The following SENP6 variants were observed in gnomAD, a reference collection of about 807,000 sequenced individuals.
SENP6 encodes the protein SUMO specific peptidase 6, also known as sentrin-specific protease 6.
A neutral mutation model predicts 134.5 loss-of-function variants in SENP6; 41 were observed. The ratio of observed to expected loss-of-function variants is 0.30; its 90% CI spans 0.24 to 0.40. The LOEUF (loss-of-function observed/expected upper bound fraction) is 0.40, where lower values mean the gene tolerates loss of function less well. Ranked by LOEUF, SENP6 falls within the 10% of genes least tolerant of loss-of-function variation. SENP6 has a pLI of 1.00. For synonymous variants in SENP6, 395 were observed against 429.8 expected, an observed-to-expected ratio of 0.92 and a Z score of 1.00; for missense variants, 1,248 against 1,312.5, an observed-to-expected ratio of 0.95 and a Z score of 0.76.
chr6:75,677,008 AC>A (rs1773129598), intron 13 of SENP6, 21 bp from the exon 14 acceptor site: 1 of 1,145,320 alleles, frequency 8.7e-7, no homozygotes, highest in African/African-American at 1.6e-5. Context: ...TTTTTTTTGG[AC>A]TTATATTTAT....
intron 18 of SENP6, among the ~76,000 whole-genome samples, chr6:75,701,302 T>C (rs747876272): frequency 9.2e-5 from 14 of 152,210 alleles, no homozygotes; most frequent in Non-Finnish European, 4.4e-5. Context: ...TAGCCAGGAC[T>C]GTACAGCTTC....
At chr6:75,649,877 C>T (rs1770739849) in intron 7 of SENP6, among the ~76,000 whole-genome samples, 1 of 152,178 alleles carries the variant, frequency 6.6e-6, no homozygotes, top group Non-Finnish European at 1.5e-5. Flanking sequence ...AATACAGAGA[C>T]ATACGTTTAT....
rs1261633568 is a variant in SENP6, at chr6:75,711,193, G to C, written c.2821-135G>C. Reference sequence around the variant, plus strand: ...AATTAAGTAACATACCACATCTCTAGTGTCTAATCACCTAAATAGAGAAAA... The same window carrying C: ...AATTAAGTAACATACCACATCTCTACTGTCTAATCACCTAAATAGAGAAAA... On this transcript the variant is annotated intron_variant, in intron 20 of 23. Transcript: ENST00000447266. The C allele has an allele frequency of 5.3e-6, 3 of 561,770 alleles. No individual in the cohort carries two copies. The African/African-American group carries it at 5.8e-5, about 11-fold the overall frequency. 34.8% of individuals were successfully genotyped at this position (561,770 alleles called of 1,614,324 possible). A position where few individuals can be genotyped will look rare whatever the true frequency, so the allele number is the denominator to read the frequency against.
At chr6:75,640,596 C>G in intron 5 of SENP6, 88 bp from the exon 6 acceptor site, 1 of 674,790 alleles carries the variant, frequency 1.5e-6, no homozygotes, top group African/African-American at 1.9e-5. Context: ...TATAATTTTG[C>G]CTTAATGACT....
At chr6:75,644,475 C>CTTTTT (rs71002753) in intron 6 of SENP6, among the ~76,000 whole-genome samples, 17 of 143,490 alleles carry the variant, frequency 1.2e-4, no homozygotes, top group East Asian at 2.0e-4. Flanking sequence ...TTCTTTCTTT[C>CTTTTT]TTTTTTTTTT....
chr6:75,609,962 A>G (rs576965251), intron 1 of SENP6, among the ~76,000 whole-genome samples: 40 of 152,022 alleles, frequency 2.6e-4, no homozygotes, highest in African/African-American at 7.2e-4. Context: ...TAATTTTTGT[A>G]TTTTTAGTAG....
At chr6:75,661,053 C>A (rs1284286108) in intron 8 of SENP6, among the ~76,000 whole-genome samples, 1 of 152,114 alleles carries the variant, frequency 6.6e-6, no homozygotes, top group Non-Finnish European at 1.5e-5. Context: ...TAGTTATGTT[C>A]ATTCACATGG....
Position 75,634,775 on chromosome 6 carries a change from A to G in SENP6, c.422A>G (p.His141Arg), listed in dbSNP as rs757685340. 73 of 1,603,626 alleles carry G rather than the reference A, an allele frequency of 4.6e-5. No homozygotes were observed. The highest frequency in any genetic ancestry group is 6.2e-5 in the Non-Finnish European group (73 of 1,177,354). Residue 141 changes from histidine to arginine, a missense_variant, in exon 5 of 24, where the codon CAT becomes CGT. His to Arg is a conservative substitution (Grantham distance 29). Around this residue, in one of 3 missense-constraint regions of SENP6, gnomAD observed 733 missense variants for 725.4 expected, o/e 1.01. Coordinates refer to ENST00000447266, the MANE Select transcript of SENP6 (RefSeq NM_015571.4). The part of the protein sequence containing the change: ...VVHGRRFHHA[H>R]AQIPVVKTAA... ...CATGGTAGACGTTTTCATCATGCTC[A>G]TGCACAGATACCAGTAGTAAAAACA... is the stretch of plus-strand genomic sequence containing the variant.
Position 75,714,585 on chromosome 6 carries a change from A to G in SENP6, c.3129+760A>G, listed in dbSNP as rs191270048. Among the ~76,000 whole-genome samples, 5 of 152,302 alleles carry G rather than the reference A, an allele frequency of 3.3e-5. No homozygotes were observed. In the East Asian group the frequency reaches 9.6e-4, roughly 29 times the overall value. On this transcript the variant is annotated intron_variant, in intron 23 of 23. Transcript: ENST00000447266. The stretch of plus-strand genomic sequence containing the variant: ...CTGTTACTTTCCTGCTTTAAATCTT[A>G]TAGTGGCTTCCTGTGGCTGTTGATT...
chr6:75,644,475 C>CT (rs71002753), intron 6 of SENP6, among the ~76,000 whole-genome samples: 78,586 of 143,414 alleles, frequency 0.55, 21,361 homozygotes, highest in Middle Eastern at 0.64. Flanking sequence ...TTCTTTCTTT[C>CT]TTTTTTTTTT....
intron 19 of SENP6, 27 bp downstream of exon 19, chr6:75,703,099 T>C (rs768208892): frequency 1.7e-5 from 25 of 1,499,772 alleles, no homozygotes; most frequent in Non-Finnish European, 2.1e-5. Flanking sequence ...TTTGAAAGAA[T>C]GAAAAAATTC....
At chr6:75,635,735 T>A (rs1769462176) in intron 5 of SENP6, among the ~76,000 whole-genome samples, 2 of 152,124 alleles carry the variant, frequency 1.3e-5, no homozygotes, top group African/African-American at 4.8e-5. Flanking sequence ...TACTGCAAAG[T>A]ATACAAGCTC....
chr6:75,690,030 G>A (rs916708993), intron 16 of SENP6, among the ~76,000 whole-genome samples: 1 of 152,174 alleles, frequency 6.6e-6, no homozygotes, highest in African/African-American at 2.4e-5. Flanking sequence ...TCCTGCCTCA[G>A]CTTCCTAAGT....
chr6:75,604,900 C>T (rs1007779313), intron 1 of SENP6, among the ~76,000 whole-genome samples: 1 of 151,808 alleles, frequency 6.6e-6, no homozygotes, highest in Non-Finnish European at 1.5e-5. Context: ...TGGTGAAACC[C>T]CGTCTCTACT....
At chr6:75,648,195 C>A (rs1256396938) in intron 7 of SENP6, among the ~76,000 whole-genome samples, 2 of 152,054 alleles carry the variant, frequency 1.3e-5, no homozygotes, top group Non-Finnish European at 2.9e-5. Flanking sequence ...TAAAAAGAGA[C>A]CACACCTGCT....
At chr6:75,663,008 C>T (rs545820497) in intron 8 of SENP6, among the ~76,000 whole-genome samples, 2 of 152,026 alleles carry the variant, frequency 1.3e-5, no homozygotes, top group African/African-American at 4.8e-5. Flanking sequence ...TATTTAGGCT[C>T]TCATGGTAGC....
At chr6:75,607,739 ATGT>A (rs1471883839) in intron 1 of SENP6, among the ~76,000 whole-genome samples, 4 of 152,152 alleles carry the variant, frequency 2.6e-5, no homozygotes, top group African/African-American at 9.7e-5. Flanking sequence ...GTTGCATGCA[ATGT>A]TGTTCTCTAC....
chr6:75,696,582 A>T (rs1264734010), intron 17 of SENP6, among the ~76,000 whole-genome samples: 1 of 152,138 alleles, frequency 6.6e-6, no homozygotes, highest in Non-Finnish European at 1.5e-5. Context: ...CTCTCAAGTG[A>T]TCCTTCCACC....
At chr6:75,654,870 G>T (rs1483876584) in intron 7 of SENP6, 1 of 152,118 alleles carries the variant, frequency 6.6e-6, no homozygotes, top group African/African-American at 2.4e-5. Flanking sequence ...TATCTATGTG[G>T]TAGATAGATA....
Sources: gnomAD v4.1 joint callset for allele counts (sites outside exome capture counted in the v4.1 genomes callset) on GRCh38, gnomAD v4.1.1 for gene constraint, gnomAD v4.1.1 regional missense constraint, MANE v1.5 for transcripts, NCBI Gene and HGNC (gene_info 2026-07-23, HGNC 2026-07-21) for gene names.